The following FAM135A variants were observed in gnomAD, a reference collection of about 807,000 sequenced individuals.
FAM135A encodes protein FAM135A.
FAM135A carries 79 observed loss-of-function variants against 146.8 expected under a neutral mutation model. The ratio of observed to expected loss-of-function variants is 0.54; its 90% confidence interval spans 0.45 to 0.65. The LOEUF (loss-of-function observed/expected upper bound fraction) is 0.65, where lower values mean the gene tolerates loss of function less well. Ranked by LOEUF, FAM135A falls within the 30% of genes least tolerant of loss-of-function variation. The pLI, the probability that FAM135A is intolerant of heterozygous loss-of-function variation, is 0.00. For synonymous variants in FAM135A, 562 were observed against 603.6 expected, an observed-to-expected ratio of 0.93 and a Z score of 1.01; for missense variants, 1,623 against 1,758.2, an observed-to-expected ratio of 0.92 and a Z score of 1.38.
chr6:70,557,035 A>C, intron 21 of FAM135A, 172 bp downstream of exon 21: 1 of 614,676 alleles, frequency 1.6e-6, no homozygotes, highest in South Asian at 2.0e-5. Context: ...TGCCACGTGA[A>C]CTGCCTTTAC....
chr6:70,548,727 GA>G (rs147877107), intron 20 of FAM135A, among the ~76,000 whole-genome samples: 25,685 of 151,998 alleles, frequency 0.17, 2,256 homozygotes, highest in Middle Eastern at 0.21. Flanking sequence ...TAATCAGTGG[GA>G]AATTTGTGAG....
At chr6:70,480,874 A>G (rs2273210) in intron 8 of FAM135A, 27 bp from the exon 9 acceptor site, 267,894 of 1,590,958 alleles carry the variant, frequency 0.17, 23,637 homozygotes, top group African/African-American at 0.3. Flanking sequence ...TCGTATGACA[A>G]TAATAATGTA....
rs1217281706 is a variant in FAM135A, at chr6:70,537,141, G to A, written c.4117+730G>A. Reference sequence around the variant, plus strand: ...AGTAGAGACGGGGTTTCACCATGTTGGCCAGAATGGTCTTGATCTCCTGAC... The same window carrying A: ...AGTAGAGACGGGGTTTCACCATGTTAGCCAGAATGGTCTTGATCTCCTGAC... On this transcript the variant is annotated intron_variant, in intron 19 of 21. Coordinates refer to ENST00000418814, the MANE Select transcript of FAM135A (RefSeq NM_001162529.3). Among the ~76,000 whole-genome samples the A allele has an allele frequency of 9.9e-5, 15 of 152,014 alleles. No homozygotes were observed. The South Asian group carries it at 2.3e-3, about 23-fold the overall frequency.
rs543426812 is a variant in FAM135A at position 70,525,836 on chromosome 6, A to C, written c.2752A>C (p.Lys918Gln). The C allele has an allele frequency of 6.8e-6, 11 of 1,612,218 alleles. No individual in the cohort carries two copies. The South Asian group carries it at 1.1e-4, about 16-fold the overall frequency. ...VAIHSLNSSIKDPLQFVFSDE... is the reference protein window; with the variant it reads ...VAIHSLNSSIQDPLQFVFSDE... ...AATACATTCCTTAAATTCAAGCATT[A>C]AAGACCCTTTACAATTTGTTTTTTC... Residue 918 changes from lysine (K) to glutamine (Q), a missense_variant, in exon 15 of 22, where the codon AAA becomes CAA. Lys to Gln is a moderately conservative substitution (Grantham distance 53). This residue lies in a region of FAM135A where 1,061 missense variants were observed against 1,113.8 expected (regional missense o/e 0.95). Coordinates refer to ENST00000418814, the MANE Select transcript of FAM135A (RefSeq NM_001162529.3).
chr6:70,467,052 TTC>T (rs1780614790), intron 5 of FAM135A, among the ~76,000 whole-genome samples: 1 of 152,212 alleles, frequency 6.6e-6, no homozygotes, highest in Non-Finnish European at 1.5e-5. Flanking sequence ...TCTTGGTTTA[TTC>T]TCTCAGTTTC....
chr6:70,441,518 T>C (rs1011966493), intron 4 of FAM135A, among the ~76,000 whole-genome samples: 3 of 152,142 alleles, frequency 2.0e-5, no homozygotes, highest in Admixed American at 2.0e-4. Flanking sequence ...TCTATTATGA[T>C]TAGGTGTTGC....
At chr6:70,534,241 CATATATGTATATGATATATGTATATG>C (rs59586392) in intron 18 of FAM135A, among the ~76,000 whole-genome samples, 1 of 143,004 alleles carries the variant, frequency 7.0e-6, no homozygotes, top group Non-Finnish European at 1.5e-5. Context: ...CTGTGAGTTA[CATATATGTATATGATATATGTATATG>C]ATATATGTAT....
At chr6:70,481,648 T>TAA (rs10718433) in intron 9 of FAM135A, among the ~76,000 whole-genome samples, 51 of 131,544 alleles carry the variant, frequency 3.9e-4, no homozygotes, top group African/African-American at 1.2e-3. Flanking sequence ...AAAAGAAAAT[T>TAA]AAAAAAAAAA....
At chr6:70,471,958 G>A (rs1357903810) in intron 5 of FAM135A, among the ~76,000 whole-genome samples, 1 of 151,994 alleles carries the variant, frequency 6.6e-6, no homozygotes, top group East Asian at 1.9e-4. Context: ...TCTTAAATTA[G>A]GAAATAAAGC....
intron 2 of FAM135A, among the ~76,000 whole-genome samples, chr6:70,422,630 T>G (rs1769112276): frequency 6.6e-6 from 1 of 152,224 alleles, no homozygotes; most frequent in South Asian, 2.1e-4. Flanking sequence ...GCCTTGAACT[T>G]ATACTGATAA....
chr6:70,556,449 A>G (rs1053225912), intron 20 of FAM135A, among the ~76,000 whole-genome samples: 3 of 152,204 alleles, frequency 2.0e-5, no homozygotes, highest in East Asian at 1.9e-4. Flanking sequence ...GTCATGGAAT[A>G]CTTTCTATAG....
At chr6:70,480,064 C>T (rs1290797807) in intron 8 of FAM135A, among the ~76,000 whole-genome samples, 2 of 152,220 alleles carry the variant, frequency 1.3e-5, no homozygotes, top group East Asian at 3.9e-4. Flanking sequence ...CTGTCTTTTC[C>T]CTTTTGCCAA....
At chr6:70,485,504 A>G (rs1359063893) in intron 10 of FAM135A, among the ~76,000 whole-genome samples, 4 of 152,306 alleles carry the variant, frequency 2.6e-5, no homozygotes, top group East Asian at 3.9e-4. Context: ...TATTTCTATA[A>G]TGTACTATTG....
chr6:70,481,274 C>T (rs1290887684), intron 9 of FAM135A, among the ~76,000 whole-genome samples: 1 of 152,194 alleles, frequency 6.6e-6, no homozygotes, highest in Non-Finnish European at 1.5e-5. Context: ...TAACTTGTTA[C>T]TGTCACCCCT....
intron 12 of FAM135A, among the ~76,000 whole-genome samples, chr6:70,514,317 C>G (rs1791718975): frequency 6.6e-6 from 1 of 152,066 alleles, no homozygotes; most frequent in South Asian, 2.1e-4. Context: ...TATTTTACTT[C>G]TTAAATTTCC....
intron 2 of FAM135A, among the ~76,000 whole-genome samples, chr6:70,422,547 G>A (rs1475443841): frequency 6.6e-6 from 1 of 152,140 alleles, no homozygotes; most frequent in African/African-American, 2.4e-5. Context: ...TAGATTAAAG[G>A]AAATTAGGCA....
rs1432605882 is a variant in FAM135A, at chr6:70,536,264, A to G, written c.3970A>G (p.Ile1324Val). The change falls in exon 19 of 22, where the codon ATT (isoleucine) becomes GTT (valine). Residue 1324 changes from isoleucine (I) to valine (V), a missense_variant. Ile to Val is a conservative substitution (Grantham distance 29). Around this residue, in one of 7 missense-constraint regions of FAM135A, gnomAD observed 1,061 missense variants for 1,113.8 expected, o/e 0.95. Coordinates refer to ENST00000418814, the MANE Select transcript of FAM135A (RefSeq NM_001162529.3). The stretch of plus-strand genomic sequence containing the variant: ...AATTTTTTTTTCCTCTTAAAGCTTT[A>G]TTGGACATTCGTTGGGCAATTTAAT... ...YSLTVSKISF[I>V]GHSLGNLIIR... 7 of 1,604,094 alleles carry G rather than the reference A, an allele frequency of 4.4e-6. No individual in the cohort carries two copies. Among genetic ancestry groups the G allele is most frequent in the Non-Finnish European group, 5.9e-6 (7 of 1,177,244 alleles).
chr6:70,526,207 T>G lies in FAM135A; in HGVS notation c.3123T>G (p.Asn1041Lys). 6.2e-7 allele frequency: 1 copy of G among 1,613,296 alleles called. No homozygotes were observed. The highest frequency in any genetic ancestry group is 8.5e-7 in the Non-Finnish European group (1 of 1,179,586). The change falls in exon 15 of 22, where the codon AAT (asparagine) becomes AAG (lysine). Residue 1041 changes from asparagine (N) to lysine (K), a missense_variant. Physicochemically the swap from Asn to Lys is moderately conservative, Grantham distance 94 (BLOSUM62 0). Transcript: ENST00000418814. The part of the protein sequence containing the change: ...TDIVKQGLVE[N>K]YFGSQSSTDI... Reference sequence around the variant, plus strand: ...TAGTAAAGCAAGGGCTTGTGGAAAATTATTTTGGTTCTCAAAGCAGTACGG... The same window carrying G: ...TAGTAAAGCAAGGGCTTGTGGAAAAGTATTTTGGTTCTCAAAGCAGTACGG...
At chr6:70,491,617 CAA>C (rs1315138592) in intron 11 of FAM135A, among the ~76,000 whole-genome samples, 1 of 151,802 alleles carries the variant, frequency 6.6e-6, no homozygotes, top group Non-Finnish European at 1.5e-5. Flanking sequence ...GTGAATCAAA[CAA>C]AAATATGTAT....
Sources: gnomAD v4.1 joint callset for allele counts (sites outside exome capture counted in the v4.1 genomes callset) on GRCh38, gnomAD v4.1.1 for gene constraint, gnomAD v4.1.1 regional missense constraint, MANE v1.5 for transcripts, NCBI Gene and HGNC (gene_info 2026-07-23, HGNC 2026-07-21) for gene names.